Variants in WDR3 observed in about 807,000 individuals in gnomAD.
The protein encoded by WDR3 is WD repeat domain 3, also known as WD repeat-containing protein 3.
A neutral mutation model predicts 123.7 loss-of-function variants in WDR3; 81 were observed. That is an observed-to-expected ratio of 0.65 (90% CI 0.55 to 0.79). The LOEUF (loss-of-function observed/expected upper bound fraction) is 0.79. Ranked by LOEUF, WDR3 falls within the 30% of genes least tolerant of loss-of-function variation. The pLI is 0.00. For missense variants in WDR3, 1,027 were observed against 1,123.2 expected (o/e 0.91, Z 1.22); for synonymous variants, 390 against 388.8 (o/e 1.00, Z -0.04).
At chr1:117,954,952 C>A in intron 23 of WDR3, 1 of 381,782 alleles carries the variant, frequency 2.6e-6, no homozygotes, top group Non-Finnish European at 4.6e-6. Flanking sequence ...GGAAAGTTGA[C>A]AGAAATCAGT....
chr1:117,952,386 T>C lies in WDR3; in HGVS notation c.1994T>C (p.Phe665Ser). The C allele has an allele frequency of 6.2e-7, 1 of 1,613,232 alleles. No individual in the cohort carries two copies. The highest frequency in any genetic ancestry group is 2.2e-5 in the East Asian group (1 of 44,870). Residue 665 changes from phenylalanine to serine, a missense_variant, in exon 18 of 27, where the codon TTT becomes TCT. Transcript: ENST00000349139. ...ATTAAACAGTGGGATGCAGACAAATTTGAACACATACAGACTCTGGAGGTA... is the reference window on the plus strand; with the variant it reads ...ATTAAACAGTGGGATGCAGACAAATCTGAACACATACAGACTCTGGAGGTA... Reference protein sequence around the residue: ...HKIKQWDADKFEHIQTLEGHH... With the variant: ...HKIKQWDADKSEHIQTLEGHH...
chr1:117,953,863 C>T, intron 21 of WDR3, 144 bp from the exon 22 acceptor site: 2 of 693,870 alleles, frequency 2.9e-6, no homozygotes, highest in Non-Finnish European at 4.8e-6. Context: ...TCTTTAAATG[C>T]TTTTTGGCAC....
At chr1:117,950,189 G>C in intron 15 of WDR3, 59 bp downstream of exon 15, 1 of 1,598,362 alleles carries the variant, frequency 6.3e-7, no homozygotes, top group Non-Finnish European at 8.5e-7. Flanking sequence ...TTAAGAATTT[G>C]GGTTGAGGCT....
chr1:117,958,892 G>A lies in WDR3; in HGVS notation c.2583-18G>A. On this transcript the variant is annotated intron_variant, in intron 25 of 26. Transcript: ENST00000349139. ...TAGAACCTCTCTGCAACATGGCTGT[G>A]TTTTGTTTTTCTATCAGGATTCACT... is the stretch of plus-strand genomic sequence containing the variant. 1 of 1,609,900 alleles carries A rather than the reference G, an allele frequency of 6.2e-7. No homozygotes were observed. The highest frequency in any genetic ancestry group is 8.5e-7 in the Non-Finnish European group (1 of 1,177,328).
At chr1:117,949,276 C>T (rs1651516417) in intron 13 of WDR3, among the ~76,000 whole-genome samples, 1 of 152,086 alleles carries the variant, frequency 6.6e-6, no homozygotes, top group South Asian at 2.1e-4. Context: ...GAGGGACAGA[C>T]ACTTGAGATC....
At position 117,954,679 on chromosome 1, in the gene WDR3, A is replaced by G. The variant is rs185642623; in HGVS notation, c.2409+52A>G. 14 of 1,549,106 alleles carry G rather than the reference A, an allele frequency of 9.0e-6. No individual in the cohort carries two copies. In the African/African-American group the frequency reaches 1.2e-4, roughly 14 times the overall value. On this transcript the variant is annotated intron_variant, in intron 23 of 26. Coordinates refer to ENST00000349139, the MANE Select transcript of WDR3 (RefSeq NM_006784.3). ...TTTGTTTATTAAAAGGTTACTTACAAGGACAAGAAAGGAAGTAGAGGCATT... is the reference window on the plus strand; with the variant it reads ...TTTGTTTATTAAAAGGTTACTTACAGGGACAAGAAAGGAAGTAGAGGCATT...
intron 6 of WDR3, 115 bp from the exon 7 acceptor site, chr1:117,940,712 A>C (rs1431523149): frequency 1.1e-6 from 1 of 942,914 alleles, no homozygotes; most frequent in East Asian, 2.4e-5. Flanking sequence ...TGGGCGACAG[A>C]GTAAGACTCT....
chr1:117,957,754 G>A (rs888071981), intron 25 of WDR3, among the ~76,000 whole-genome samples: 4 of 152,112 alleles, frequency 2.6e-5, no homozygotes, highest in Non-Finnish European at 5.9e-5. Context: ...GGCCCGAGAC[G>A]GTTCTTCCAG....
At chr1:117,945,244 A>T (rs1651328321) in intron 11 of WDR3, among the ~76,000 whole-genome samples, 1 of 152,156 alleles carries the variant, frequency 6.6e-6, no homozygotes, top group Non-Finnish European at 1.5e-5. Flanking sequence ...AAGTTAGATC[A>T]CTTCCAGTAG....
rs553114731 is a variant in WDR3 at position 117,956,578 on chromosome 1, T to G, written c.2454-490T>G. ...AATAGGTTTGTAATCCCATTTGATATCCTCTTAAGATTTTAAATTGGAATT... is the reference window on the plus strand; with the variant it reads ...AATAGGTTTGTAATCCCATTTGATAGCCTCTTAAGATTTTAAATTGGAATT... On this transcript the variant is annotated intron_variant, in intron 24 of 26. Transcript: ENST00000349139. Among the ~76,000 whole-genome samples, 300 of 152,294 alleles carry G rather than the reference T, an allele frequency of 2.0e-3. 1 individual carries two copies. Among genetic ancestry groups the G allele is most frequent in the African/African-American group, 7.0e-3 (292 of 41,568 alleles).
At chr1:117,942,690 T>C (rs374931410) in intron 10 of WDR3, 146 bp downstream of exon 10, 39 of 697,516 alleles carry the variant, frequency 5.6e-5, no homozygotes, top group African/African-American at 5.1e-4. Context: ...TCTGCTCCTG[T>C]TGTCCTAATC....
Position 117,938,484 on chromosome 1 carries a change from A to G in WDR3, c.505A>G (p.Lys169Glu), listed in dbSNP as rs988305236. ...REKNLLVTSG[K>E]DTMVKWWDLD... ...TTTTCCTGTTTCTTCTTTTAGTGGG[A>G]AAGATACCATGGTGAAATGGTGGGA... Residue 169 changes from lysine (K) to glutamate (E), a missense_variant, in exon 5 of 27, where the codon AAA becomes GAA. Coordinates refer to ENST00000349139, the MANE Select transcript of WDR3 (RefSeq NM_006784.3). The G allele has an allele frequency of 6.2e-7, 1 of 1,612,522 alleles. No individual in the cohort carries two copies. Among genetic ancestry groups the G allele is most frequent in the Non-Finnish European group, 8.5e-7 (1 of 1,179,122 alleles).
rs1651480333 is a variant in WDR3 at position 117,948,322 on chromosome 1, A to T, written c.1423-83A>T. ...TCACATTTTTGCAGCTTGGTTATGAAGTCTTTTCTAAATTGTGCAGTCATG... is the reference window on the plus strand; with the variant it reads ...TCACATTTTTGCAGCTTGGTTATGATGTCTTTTCTAAATTGTGCAGTCATG... On this transcript the variant is annotated intron_variant, in intron 12 of 26. Transcript: ENST00000349139. The T allele has an allele frequency of 4.2e-6, 5 of 1,181,838 alleles. No homozygotes were observed. The Admixed American group carries it at 1.0e-4, about 24-fold the overall frequency. 73.2% of individuals were successfully genotyped at this position (1,181,838 alleles called of 1,614,324 possible). A position where few individuals can be genotyped will look rare whatever the true frequency, so the allele number is the denominator to read the frequency against.
intron 1 of WDR3, among the ~76,000 whole-genome samples, chr1:117,930,545 T>C (rs751643315): frequency 1.3e-5 from 2 of 152,212 alleles, no homozygotes; most frequent in African/African-American, 2.4e-5. Context: ...TTTAGCCTTT[T>C]CAAGGCTTTA....
At position 117,952,590 on chromosome 1, in the gene WDR3, G is replaced by T. The variant is rs139563237; in HGVS notation, c.2079G>T (p.Ser693=). The change falls in exon 19 of 27, where the codon TCG becomes TCT. Residue 693 remains serine, a synonymous_variant. Transcript: ENST00000349139. ...VSPSGDYVVS[S]SHDKSLRLWE... is the part of the protein sequence containing the mutation. ...CCAGTGGAGACTATGTTGTATCATC[G>T]TCCCATGACAAATCTCTGAGACTTT... 18 of 1,613,474 alleles carry T rather than the reference G, an allele frequency of 1.1e-5. No individual in the cohort carries two copies. Among genetic ancestry groups the T allele is most frequent in the Non-Finnish European group, 1.5e-5 (18 of 1,179,614 alleles).
chr1:117,951,844 G>T, intron 16 of WDR3, 132 bp from the exon 17 acceptor site: 1 of 791,990 alleles, frequency 1.3e-6, no homozygotes, highest in Non-Finnish European at 2.0e-6. Flanking sequence ...AGTGTTTTTA[G>T]TAGAGATGAA....
intron 24 of WDR3, among the ~76,000 whole-genome samples, chr1:117,956,178 G>A (rs1003323071): frequency 1.3e-5 from 2 of 152,004 alleles, no homozygotes; most frequent in African/African-American, 4.8e-5. Flanking sequence ...TTATTTTACT[G>A]GTTTTTAAAG....
chr1:117,950,420 G>T (rs866681985), intron 15 of WDR3, among the ~76,000 whole-genome samples: 2 of 152,098 alleles, frequency 1.3e-5, no homozygotes, highest in Non-Finnish European at 2.9e-5. Flanking sequence ...AGGTGTCCTG[G>T]GCAGTGATTT....
At chr1:117,934,001 T>C (rs1271834305) in intron 2 of WDR3, among the ~76,000 whole-genome samples, 4 of 152,222 alleles carry the variant, frequency 2.6e-5, no homozygotes, top group Admixed American at 6.5e-5. Flanking sequence ...TGTCCATTCA[T>C]TTTGTGATTC....
Sources: gnomAD v4.1 joint callset for allele counts (sites outside exome capture counted in the v4.1 genomes callset) on GRCh38, gnomAD v4.1.1 for gene constraint, MANE v1.5 for transcripts, NCBI Gene and HGNC (gene_info 2026-07-23, HGNC 2026-07-21) for gene names.